The following DLG2 variants were observed in gnomAD, a reference collection of about 807,000 sequenced individuals.
DLG2 encodes discs large MAGUK scaffold protein 2.
Under a neutral mutation model 132.5 loss-of-function variants are expected in DLG2, and 45 were observed. The ratio of observed to expected loss-of-function variants is 0.34; its 90% CI spans 0.27 to 0.44. The LOEUF (loss-of-function observed/expected upper bound fraction) is 0.44. Among genes scored for constraint, DLG2 ranks in the 20% least tolerant of loss-of-function variants. DLG2 has a pLI of 1.00. For synonymous variants in DLG2, 424 were observed against 419.6 expected (o/e 1.01, Z -0.13); for missense variants, 1,045 against 1,196.9 (o/e 0.87, Z 1.87).
chr11:84,002,115 C>A (rs141518623), intron 11 of DLG2, among the ~76,000 whole-genome samples: 22 of 152,032 alleles, frequency 1.4e-4, no homozygotes, highest in Non-Finnish European at 5.9e-5. Context: ...TAAGGGTCAA[C>A]AAAATGACAT....
intron 6 of DLG2, among the ~76,000 whole-genome samples, chr11:85,002,041 C>T (rs2058264449): frequency 1.3e-5 from 2 of 152,046 alleles, no homozygotes; most frequent in Admixed American, 6.6e-5. Flanking sequence ...TGGGTGTTGC[C>T]CAAGCAACAG....
At chr11:84,565,770 T>C (rs2154526913) in intron 6 of DLG2, among the ~76,000 whole-genome samples, 1 of 152,260 alleles carries the variant, frequency 6.6e-6, no homozygotes, top group South Asian at 2.1e-4. Context: ...TGTATTCACG[T>C]GAGCTTCCCC....
intron 4 of DLG2, among the ~76,000 whole-genome samples, chr11:85,176,414 T>C (rs959363481): frequency 2.0e-5 from 3 of 152,132 alleles, no homozygotes; most frequent in African/African-American, 7.2e-5. Context: ...TAGCCAAATG[T>C]GAAAAATTGA....
At chr11:85,370,236 A>G (rs1310894844) in intron 3 of DLG2, among the ~76,000 whole-genome samples, 1 of 152,232 alleles carries the variant, frequency 6.6e-6, no homozygotes, top group African/African-American at 2.4e-5. Context: ...GTTAACTGAA[A>G]CTACTAGAAA....
At chr11:85,318,756 T>C (rs1039976782) in intron 3 of DLG2, among the ~76,000 whole-genome samples, 29 of 151,844 alleles carry the variant, frequency 1.9e-4, no homozygotes, top group Non-Finnish European at 2.9e-5. Context: ...AGTTGAGCAA[T>C]ACTGTTGCAG....
intron 7 of DLG2, among the ~76,000 whole-genome samples, chr11:84,385,367 T>C (rs11234005): frequency 0.047 from 7,174 of 152,254 alleles, 205 homozygotes; most frequent in Middle Eastern, 0.065. Flanking sequence ...TGCTTTGACC[T>C]CAGGCTTTAG....
chr11:83,930,453 G>C lies in DLG2; in HGVS notation c.1371C>G (p.Asn457Lys). Reference protein sequence around the residue: ...RPPEPVYSTVNKLCDKPASPR... With the variant: ...RPPEPVYSTVKKLCDKPASPR... ...GAGAAGCAGGCTTATCACATAGTTTGTTCACAGTGCTGTAAACAGGTTCCG... is the reference window on the plus strand; with the variant it reads ...GAGAAGCAGGCTTATCACATAGTTTCTTCACAGTGCTGTAAACAGGTTCCG... Residue 457 changes from asparagine to lysine, a missense_variant, in exon 15 of 28, where the codon AAC becomes AAG. Asn to Lys is a moderately conservative substitution (Grantham distance 94). Transcript: ENST00000376104. 1.2e-6 allele frequency: 2 copies of C among 1,614,078 alleles called. No individual in the cohort carries two copies. The highest frequency in any genetic ancestry group is 1.7e-6 in the Non-Finnish European group (2 of 1,179,948).
intron 4 of DLG2, among the ~76,000 whole-genome samples, chr11:85,265,783 A>G (rs1328332709): frequency 3.3e-5 from 5 of 152,222 alleles, no homozygotes; most frequent in Non-Finnish European, 7.3e-5. Flanking sequence ...GCTGGACATC[A>G]GAGAGAGGCA....
chr11:84,087,865 G>A (rs887761871), intron 10 of DLG2, among the ~76,000 whole-genome samples: 23 of 152,134 alleles, frequency 1.5e-4, no homozygotes, highest in African/African-American at 5.3e-4. Flanking sequence ...GACTTCTGAC[G>A]TCCAGAACTA....
At chr11:84,134,660 G>A (rs2094535915) in intron 9 of DLG2, among the ~76,000 whole-genome samples, 1 of 151,526 alleles carries the variant, frequency 6.6e-6, no homozygotes, top group African/African-American at 2.4e-5. Flanking sequence ...TACATCACAT[G>A]TAGTCTTGTC....
intron 6 of DLG2, among the ~76,000 whole-genome samples, chr11:84,947,360 C>T (rs888575778): frequency 6.6e-5 from 10 of 152,200 alleles, no homozygotes; most frequent in Non-Finnish European, 1.5e-4. Context: ...TCTGCAGTAA[C>T]TGGCTCAAAA....
chr11:83,718,228 C>T (rs183451772), intron 18 of DLG2, among the ~76,000 whole-genome samples: 170 of 152,184 alleles, frequency 1.1e-3, no homozygotes, highest in Middle Eastern at 3.4e-3. Flanking sequence ...TAAAACTGGG[C>T]TTCTAAGGTC....
At chr11:84,549,168 C>T (rs760126804) in intron 6 of DLG2, among the ~76,000 whole-genome samples, 8 of 152,080 alleles carry the variant, frequency 5.3e-5, no homozygotes, top group Non-Finnish European at 4.4e-5. Context: ...AGGGATGTGC[C>T]GGGAATAAAT....
intron 8 of DLG2, among the ~76,000 whole-genome samples, chr11:84,232,921 T>C (rs1228080150): frequency 1.3e-5 from 2 of 152,092 alleles, no homozygotes. Flanking sequence ...GCAATGCCCA[T>C]AAAGACCTGC....
At chr11:84,923,640 A>G in intron 6 of DLG2, 1 of 960,464 alleles carries the variant, frequency 1.0e-6, no homozygotes, top group Non-Finnish European at 1.2e-6. Flanking sequence ...TCTGCACTAT[A>G]TTCCAGGCTA....
At chr11:83,619,750 C>G (rs1043813558) in intron 19 of DLG2, among the ~76,000 whole-genome samples, 1 of 152,074 alleles carries the variant, frequency 6.6e-6, no homozygotes, top group Non-Finnish European at 1.5e-5. Context: ...ATCTTATGAA[C>G]AGCCAGCAAT....
At chr11:84,853,671 A>G (rs1486278776) in intron 6 of DLG2, among the ~76,000 whole-genome samples, 6 of 152,010 alleles carry the variant, frequency 3.9e-5, no homozygotes. Context: ...GACATTAGCA[A>G]CAATCCTTAA....
chr11:85,402,430 T>G (rs912485428), intron 3 of DLG2, among the ~76,000 whole-genome samples: 5 of 152,120 alleles, frequency 3.3e-5, no homozygotes, highest in Non-Finnish European at 7.4e-5. Flanking sequence ...CATAGGCATG[T>G]GCAAAGACCC....
At chr11:85,285,814 G>T (rs1202238612) in intron 3 of DLG2, among the ~76,000 whole-genome samples, 2 of 151,884 alleles carry the variant, frequency 1.3e-5, no homozygotes, top group Non-Finnish European at 2.9e-5. Flanking sequence ...TTTGCCAGAG[G>T]TTCTGAGAAA....
Sources: gnomAD v4.1 joint callset for allele counts (sites outside exome capture counted in the v4.1 genomes callset) on GRCh38, gnomAD v4.1.1 for gene constraint, MANE v1.5 for transcripts, NCBI Gene and HGNC (gene_info 2026-07-23, HGNC 2026-07-21) for gene names.